The following ARSK variants were observed in gnomAD, a reference collection of about 807,000 sequenced individuals.
ARSK encodes the protein arylsulfatase family member K.
Under a neutral mutation model 53.2 loss-of-function variants are expected in ARSK, and 37 were observed. That is an observed-to-expected ratio of 0.70 (90% confidence interval 0.54 to 0.92). ARSK has a LOEUF of 0.92. Among genes scored for constraint, ARSK ranks in the 40% least tolerant of loss-of-function variants. The pLI is 0.00. For missense variants in ARSK, 613 were observed against 643.0 expected (o/e 0.95, Z 0.51); for synonymous variants, 208 against 223.2 (o/e 0.93, Z 0.61).
At chr5:95,595,552 C>A (rs1749293227) in intron 6 of ARSK, among the ~76,000 whole-genome samples, 1 of 152,050 alleles carries the variant, frequency 6.6e-6, no homozygotes, top group African/African-American at 2.4e-5. Context: ...TTATCCTAAG[C>A]AAATTAACAC....
chr5:95,582,828 T>G, intron 3 of ARSK, 88 bp from the exon 4 acceptor site: 2 of 1,295,050 alleles, frequency 1.5e-6, no homozygotes, highest in Non-Finnish European at 2.1e-6. Flanking sequence ...AAAAATTGTT[T>G]TCCATGTTGT....
chr5:95,572,498 G>C (rs930389128), intron 3 of ARSK, among the ~76,000 whole-genome samples: 1 of 152,216 alleles, frequency 6.6e-6, no homozygotes, highest in African/African-American at 2.4e-5. Flanking sequence ...AAACATTTGG[G>C]CCGGGCGCGG....
intron 1 of ARSK, among the ~76,000 whole-genome samples, chr5:95,559,978 TAGTA>T (rs1365005605): frequency 4.6e-5 from 7 of 152,300 alleles, no homozygotes; most frequent in African/African-American, 1.7e-4. Flanking sequence ...ACTAATAAAT[TAGTA>T]AGGCTGTATA....
chr5:95,565,944 T>A lies in ARSK; in HGVS notation c.127-54T>A. 3 of 1,486,372 alleles carry A rather than the reference T, an allele frequency of 2.0e-6. No homozygotes were observed. In the African/African-American group the frequency reaches 4.3e-5, roughly 21 times the overall value. 92.1% of individuals were successfully genotyped at this position (1,486,372 alleles called of 1,614,324 possible). A position where few individuals can be genotyped will look rare whatever the true frequency, so the allele number is the denominator to read the frequency against. On this transcript the variant is annotated intron_variant, in intron 1 of 7. Coordinates refer to ENST00000380009, the MANE Select transcript of ARSK (RefSeq NM_198150.3). ...TTGTAAATTTTATGGTTAAAGAAAA[T>A]AATTTTCTTCTTTGGTAATGTAATC...
At chr5:95,582,669 G>A (rs1304782788) in intron 3 of ARSK, among the ~76,000 whole-genome samples, 2 of 152,076 alleles carry the variant, frequency 1.3e-5, no homozygotes, top group South Asian at 4.1e-4. Flanking sequence ...AAAGTTAACT[G>A]TTCTACATAA....
At chr5:95,573,960 AT>A (rs1370860806) in intron 3 of ARSK, among the ~76,000 whole-genome samples, 1 of 152,072 alleles carries the variant, frequency 6.6e-6, no homozygotes, top group Non-Finnish European at 1.5e-5. Context: ...ATTAGATCTT[AT>A]CCTTTCCATT....
chr5:95,569,017 T>G (rs1210143346), intron 3 of ARSK, among the ~76,000 whole-genome samples: 1 of 152,208 alleles, frequency 6.6e-6, no homozygotes, highest in Non-Finnish European at 1.5e-5. Flanking sequence ...GCCTAGTTTC[T>G]TCTGGACTTT....
chr5:95,579,751 A>G (rs1304688005), intron 3 of ARSK, among the ~76,000 whole-genome samples: 3 of 152,208 alleles, frequency 2.0e-5, no homozygotes, highest in Non-Finnish European at 4.4e-5. Flanking sequence ...ATTTCTATAA[A>G]GAGTTGAAGT....
chr5:95,598,992 C>T (rs1343684626), intron 6 of ARSK, among the ~76,000 whole-genome samples: 1 of 152,176 alleles, frequency 6.6e-6, no homozygotes, highest in Admixed American at 6.5e-5. Flanking sequence ...CACATGCCTG[C>T]CATCACTCTC....
At position 95,555,106 on chromosome 5, in the gene ARSK, C is replaced by T. The variant is rs978642540; in HGVS notation, c.-173C>T. ...GGAATTTCTCTGTTGCGCATGTGCG[C>T]GCTCTCCGCCTGATAGGAGTTGTAG... On this transcript the variant is annotated 5_prime_UTR_variant, in exon 1 of 8. Coordinates refer to ENST00000380009, the MANE Select transcript of ARSK (RefSeq NM_198150.3). The surrounding 1 kb of genome is among the most constrained non-coding windows in gnomAD (Gnocchi z 4.0). 7 of 500,982 alleles carry T rather than the reference C, an allele frequency of 1.4e-5. No homozygotes were observed. Among genetic ancestry groups the T allele is most frequent in the African/African-American group, 4.0e-5 (2 of 49,756 alleles). The allele number at this position is 500,982 out of a possible 1,614,324, so 31.0% of individuals were successfully genotyped here. A position where few individuals can be genotyped will look rare whatever the true frequency, so the allele number is the denominator to read the frequency against.
chr5:95,568,210 C>T (rs978973102), intron 3 of ARSK, among the ~76,000 whole-genome samples, 161 bp downstream of exon 3: 1 of 152,260 alleles, frequency 6.6e-6, no homozygotes, highest in East Asian at 1.9e-4. Flanking sequence ...TTTCTTTCAT[C>T]TTCCTAAAAC....
rs190706511 is a variant in ARSK, at chr5:95,565,924, A to T, written c.127-74A>T. On this transcript the variant is annotated intron_variant, in intron 1 of 7. Transcript: ENST00000380009. ...CATATTGAAGTCTTCTGCTATTGTA[A>T]ATTTTATGGTTAAAGAAAATAATTT... 140 of 1,391,804 alleles carry T rather than the reference A, an allele frequency of 1.0e-4. 1 individual carries two copies. The East Asian group carries it at 2.9e-3, about 29-fold the overall frequency. The allele number at this position is 1,391,804 out of a possible 1,614,324, so 86.2% of individuals were successfully genotyped here.
At chr5:95,584,001 A>G (rs1208004619) in intron 4 of ARSK, among the ~76,000 whole-genome samples, 2 of 152,204 alleles carry the variant, frequency 1.3e-5, no homozygotes, top group East Asian at 1.9e-4. Flanking sequence ...TCCTCTGGCT[A>G]CATTTCTAGT....
chr5:95,593,469 T>G (rs528385007), intron 6 of ARSK, among the ~76,000 whole-genome samples: 30 of 152,346 alleles, frequency 2.0e-4, no homozygotes, highest in African/African-American at 6.7e-4. Context: ...GTTTAAATCA[T>G]TTTTCTTTAA....
At chr5:95,599,086 T>G (rs1561370413) in intron 6 of ARSK, among the ~76,000 whole-genome samples, 1 of 152,212 alleles carries the variant, frequency 6.6e-6, no homozygotes, top group Non-Finnish European at 1.5e-5. Flanking sequence ...CATTAGAATG[T>G]TAGCTCTGGG....
chr5:95,580,429 C>A lies in ARSK; in HGVS notation c.417-2487C>A, dbSNP rs139392333. 1.8e-3 allele frequency among the ~76,000 whole-genome samples: 277 copies of A among 152,280 alleles called. 6 individuals carry two copies. In the East Asian group the frequency reaches 0.044, roughly 24 times the overall value. ...GCAATAGTTTAGCCTGATTAAGAGACCATCACTCTTGTAAGAAGGGGCTGG... is the reference window on the plus strand; with the variant it reads ...GCAATAGTTTAGCCTGATTAAGAGAACATCACTCTTGTAAGAAGGGGCTGG... On this transcript the variant is annotated intron_variant, in intron 3 of 7. Coordinates refer to ENST00000380009, the MANE Select transcript of ARSK (RefSeq NM_198150.3).
Position 95,582,920 on chromosome 5 carries a change from C to A in ARSK, c.421C>A (p.Arg141Ser). 1 of 1,595,406 alleles carries A rather than the reference C, an allele frequency of 6.3e-7. No individual in the cohort carries two copies. Among genetic ancestry groups the A allele is most frequent in the East Asian group, 2.2e-5 (1 of 44,604 alleles). Residue 141 changes from arginine to serine, a missense_variant, in exon 4 of 8, where the codon CGT becomes AGT. By Grantham distance (110) the Arg-to-Ser change is moderately radical (BLOSUM62 -1). Transcript: ENST00000380009. ...YTSGHHSISN[R>S]VEAWTRDVAF... ...TGTGTCTTTTTGCCCCCTCAGTAAT[C>A]GTGTGGAAGCGTGGACAAGAGATGT...
At chr5:95,556,014 C>T (rs1293495162) in intron 1 of ARSK, among the ~76,000 whole-genome samples, 1 of 152,206 alleles carries the variant, frequency 6.6e-6, no homozygotes, top group Non-Finnish European at 1.5e-5. Context: ...GCCAAAGGTG[C>T]TACTGTCAAC....
intron 4 of ARSK, among the ~76,000 whole-genome samples, chr5:95,584,573 T>C (rs1399660383): frequency 6.6e-6 from 1 of 152,192 alleles, no homozygotes. Flanking sequence ...AAAAAGCCTC[T>C]GCACAGCAAA....
Sources: gnomAD v4.1 joint callset for allele counts (sites outside exome capture counted in the v4.1 genomes callset) on GRCh38, gnomAD v4.1.1 for gene constraint, Gnocchi (gnomAD v3.1) non-coding constraint, MANE v1.5 for transcripts, NCBI Gene and HGNC (gene_info 2026-07-23, HGNC 2026-07-21) for gene names.